ZBTB44: variants seen among roughly 807,000 people sequenced by gnomAD.
ZBTB44 encodes the protein zinc finger and BTB domain containing 44, also known as zinc finger and BTB domain-containing protein 44.
Under a neutral mutation model 54.0 loss-of-function variants are expected in ZBTB44, and 15 were observed. That is an observed-to-expected ratio of 0.28 (90% CI 0.19 to 0.43). The LOEUF (loss-of-function observed/expected upper bound fraction) is 0.43. Ranked by LOEUF, ZBTB44 falls within the 20% of genes least tolerant of loss-of-function variation. The pLI is 1.00. For missense variants in ZBTB44, 487 were observed against 707.1 expected (o/e 0.69, Z 3.53); for synonymous variants, 230 against 250.1 (o/e 0.92, Z 0.76).
At chr11:130,291,977 T>C (rs572670610) in intron 1 of ZBTB44, among the ~76,000 whole-genome samples, 9 of 152,352 alleles carry the variant, frequency 5.9e-5, no homozygotes, top group South Asian at 2.1e-4. Flanking sequence ...CTTTACACTT[T>C]AGTAGCTCCA....
At chr11:130,308,889 A>T (rs1019745517) in intron 1 of ZBTB44, among the ~76,000 whole-genome samples, 1 of 152,184 alleles carries the variant, frequency 6.6e-6, no homozygotes, top group Non-Finnish European at 1.5e-5. Context: ...AGTCCTAGTA[A>T]GGGAAAAGGA....
intron 1 of ZBTB44, among the ~76,000 whole-genome samples, chr11:130,307,311 G>A (rs1257177911): frequency 6.6e-6 from 1 of 151,880 alleles, no homozygotes; most frequent in Admixed American, 6.6e-5. Flanking sequence ...TGTAGTCCCA[G>A]CTGCTTGGGA....
chr11:130,267,357 T>G (rs1939326758), intron 1 of ZBTB44, among the ~76,000 whole-genome samples: 1 of 152,094 alleles, frequency 6.6e-6, no homozygotes, highest in Admixed American at 6.6e-5. Flanking sequence ...AAGGTAAAGC[T>G]GCAAGTACTG....
intron 2 of ZBTB44, among the ~76,000 whole-genome samples, chr11:130,249,833 G>T (rs678498): frequency 6.6e-6 from 1 of 152,028 alleles, no homozygotes; most frequent in South Asian, 2.1e-4. Flanking sequence ...CTGGGCGGCT[G>T]TTTGGGCAGA....
intron 1 of ZBTB44, among the ~76,000 whole-genome samples, chr11:130,307,898 G>T (rs891775595): frequency 1.6e-4 from 25 of 152,252 alleles, no homozygotes; most frequent in African/African-American, 6.0e-4. Context: ...GCTAATTTTT[G>T]TATTTTTAGT....
intron 5 of ZBTB44, chr11:130,236,218 T>C: frequency 1.6e-6 from 2 of 1,283,314 alleles, no homozygotes; most frequent in Non-Finnish European, 2.0e-6. Context: ...TGGGATGCCC[T>C]ATAAATCAGA....
intron 2 of ZBTB44, among the ~76,000 whole-genome samples, chr11:130,242,516 T>A (rs1954415268): frequency 6.8e-6 from 1 of 146,422 alleles, no homozygotes; most frequent in Admixed American, 7.1e-5. Flanking sequence ...TTGCTGATGA[T>A]CAATTCTTTT....
intron 1 of ZBTB44, among the ~76,000 whole-genome samples, chr11:130,303,781 GTTT>G (rs901669777): frequency 8.9e-4 from 134 of 149,936 alleles, no homozygotes; most frequent in African/African-American, 3.2e-3. Context: ...GTAATTTTAA[GTTT>G]TTTTTTTAAA....
chr11:130,274,742 T>G (rs1041033019), intron 1 of ZBTB44, among the ~76,000 whole-genome samples: 1 of 152,210 alleles, frequency 6.6e-6, no homozygotes, highest in African/African-American at 2.4e-5. Context: ...TAAAAAAATA[T>G]GTTGTGGGAT....
At chr11:130,287,428 G>GT (rs1448798830) in intron 1 of ZBTB44, among the ~76,000 whole-genome samples, 1 of 152,142 alleles carries the variant, frequency 6.6e-6, no homozygotes, top group Non-Finnish European at 1.5e-5. Flanking sequence ...GTCTTCATTA[G>GT]TTTTTTCTCT....
intron 1 of ZBTB44, among the ~76,000 whole-genome samples, chr11:130,279,912 C>T (rs1211443134): frequency 6.6e-6 from 1 of 152,146 alleles, no homozygotes. Flanking sequence ...CTTCTCCCCA[C>T]CACAAAAAAT....
chr11:130,248,181 A>T (rs1398425743), intron 2 of ZBTB44, among the ~76,000 whole-genome samples: 1 of 152,228 alleles, frequency 6.6e-6, no homozygotes, highest in African/African-American at 2.4e-5. Flanking sequence ...TGGAACTTAC[A>T]GGGGAAAAAG....
intron 2 of ZBTB44, among the ~76,000 whole-genome samples, chr11:130,242,618 TAG>T (rs1565647090): frequency 1.3e-5 from 2 of 152,232 alleles, no homozygotes; most frequent in Non-Finnish European, 2.9e-5. Context: ...TTACCCTGTG[TAG>T]AAATCTAGAC....
At chr11:130,303,914 G>A (rs945455868) in intron 1 of ZBTB44, among the ~76,000 whole-genome samples, 3 of 152,012 alleles carry the variant, frequency 2.0e-5, no homozygotes, top group East Asian at 1.9e-4. Flanking sequence ...AGTTATCAAC[G>A]TGAAACAACA....
chr11:130,232,547 C>A (rs1423890108), intron 7 of ZBTB44: 1 of 152,006 alleles, frequency 6.6e-6, no homozygotes, highest in African/African-American at 2.4e-5. Flanking sequence ...TTTTTTTCTC[C>A]CAGATTTATG....
intron 2 of ZBTB44, among the ~76,000 whole-genome samples, chr11:130,247,978 T>C (rs1937665918): frequency 6.6e-6 from 1 of 152,168 alleles, no homozygotes; most frequent in African/African-American, 2.4e-5. Context: ...AACCTTTCCA[T>C]GGGCAAGTGG....
At chr11:130,267,608 G>A (rs1409636243) in intron 1 of ZBTB44, among the ~76,000 whole-genome samples, 1 of 151,916 alleles carries the variant, frequency 6.6e-6, no homozygotes, top group Non-Finnish European at 1.5e-5. Context: ...TAGAGATAGG[G>A]GTATCCCTAT....
In ZBTB44 at chr11:130,261,835, G is replaced by T; in HGVS notation, c.39C>A (p.His13Gln). The change falls in exon 2 of 8, where the codon CAC (histidine) becomes CAA (glutamine). Residue 13 changes from histidine to glutamine, a missense_variant. Transcript: ENST00000357899. The surrounding 1 kb of genome is among the most constrained non-coding windows in gnomAD (Gnocchi z 4.8). ...VKTFTHSSSS[H>Q]SQEMLGKLNM... ...TTAGCTTTCCAAGCATTTCCTGGCT[G>T]TGGGAAGAGGAGCTATGAGTAAATG... 1 of 1,613,272 alleles carries T rather than the reference G, an allele frequency of 6.2e-7. No homozygotes were observed. The highest frequency in any genetic ancestry group is 8.5e-7 in the Non-Finnish European group (1 of 1,179,332).
At chr11:130,301,539 C>T (rs1941989084) in intron 1 of ZBTB44, among the ~76,000 whole-genome samples, 1 of 152,110 alleles carries the variant, frequency 6.6e-6, no homozygotes, top group African/African-American at 2.4e-5. Flanking sequence ...TGGTGTGCAT[C>T]TGTGGTCCCA....
Sources: allele counts gnomAD v4.1 joint callset (sites outside exome capture counted in the v4.1 genomes callset), GRCh38; gene constraint gnomAD v4.1.1; non-coding constraint Gnocchi (gnomAD v3.1); transcripts MANE v1.5; gene names NCBI Gene and HGNC (gene_info 2026-07-23, HGNC 2026-07-21).